Variants in MARCHF1 observed in about 807,000 individuals in gnomAD.
MARCHF1 encodes the protein membrane associated ring-CH-type finger 1.
Under a neutral mutation model 54.2 loss-of-function variants are expected in MARCHF1, and 40 were observed. That is an observed-to-expected ratio of 0.74 (90% CI 0.57 to 0.96). MARCHF1 has a LOEUF of 0.96. Among genes scored for constraint, MARCHF1 ranks in the 40% least tolerant of loss-of-function variants. MARCHF1 has a pLI of 0.00. For missense variants in MARCHF1, 586 were observed against 656.5 expected, an observed-to-expected ratio of 0.89 and a Z score of 1.17; for synonymous variants, 236 against 236.3, an observed-to-expected ratio of 1.00 and a Z score of 0.01.
chr4:164,308,126 T>C (rs1030375679), intron 1 of MARCHF1, among the ~76,000 whole-genome samples: 3 of 152,164 alleles, frequency 2.0e-5, no homozygotes, highest in Non-Finnish European at 2.9e-5. Flanking sequence ...CCCAGAGCCA[T>C]GAGATCAAGC....
intron 1 of MARCHF1, among the ~76,000 whole-genome samples, chr4:164,188,102 C>G (rs1731020633): frequency 6.6e-6 from 1 of 152,138 alleles, no homozygotes; most frequent in African/African-American, 2.4e-5. Flanking sequence ...ACTCGAAAGC[C>G]GAGGGCGACA....
At chr4:164,188,566 G>A (rs1396881614) in intron 1 of MARCHF1, 14 of 776,698 alleles carry the variant, frequency 1.8e-5, no homozygotes, top group Admixed American at 5.2e-5. Flanking sequence ...GCATCACGCG[G>A]TCCTATGTGC....
At chr4:163,980,224 C>A (rs1199183114) in intron 3 of MARCHF1, among the ~76,000 whole-genome samples, 3 of 139,218 alleles carry the variant, frequency 2.2e-5, no homozygotes, top group African/African-American at 5.4e-5. Flanking sequence ...ATACCTACAA[C>A]TGTCTGATCT....
chr4:163,656,271 T>A (rs1477039267), intron 5 of MARCHF1, among the ~76,000 whole-genome samples: 1 of 151,814 alleles, frequency 6.6e-6, no homozygotes, highest in Non-Finnish European at 1.5e-5. Context: ...GGGAATACTA[T>A]AAATACCTCT....
intron 4 of MARCHF1, among the ~76,000 whole-genome samples, chr4:163,834,643 C>T (rs1438512301): frequency 2.8e-5 from 4 of 142,418 alleles, no homozygotes; most frequent in Non-Finnish European, 4.5e-5. Flanking sequence ...TGATGTTCCC[C>T]TTAGGGACAT....
intron 3 of MARCHF1, among the ~76,000 whole-genome samples, chr4:163,913,980 C>G (rs1010269069): frequency 9.7e-6 from 1 of 102,918 alleles, no homozygotes; most frequent in Admixed American, 1.2e-4. Context: ...TGTGACAGCA[C>G]GGGGATCTCT....
chr4:163,713,556 A>G (rs115607046), intron 4 of MARCHF1, among the ~76,000 whole-genome samples: 1,911 of 152,298 alleles, frequency 0.013, 46 homozygotes, highest in African/African-American at 0.042. Context: ...AGCATAACCA[A>G]TCTTGTATTT....
At chr4:164,163,464 C>T (rs939647693) in intron 1 of MARCHF1, among the ~76,000 whole-genome samples, 3 of 151,740 alleles carry the variant, frequency 2.0e-5, no homozygotes, top group Non-Finnish European at 4.4e-5. Context: ...AATAATGGTA[C>T]CAGGGTGTAT....
intron 4 of MARCHF1, among the ~76,000 whole-genome samples, chr4:163,724,059 G>T (rs1745569821): frequency 6.6e-6 from 1 of 152,304 alleles, no homozygotes; most frequent in Admixed American, 6.5e-5. Context: ...TTGTTCCATT[G>T]CTGGCGAGGA....
At chr4:163,740,405 G>C (rs2111355242) in intron 4 of MARCHF1, among the ~76,000 whole-genome samples, 1 of 152,302 alleles carries the variant, frequency 6.6e-6, no homozygotes, top group South Asian at 2.1e-4. Flanking sequence ...GAGGACACAA[G>C]AATCATGGGT....
At chr4:163,763,887 A>G (rs917597699) in intron 4 of MARCHF1, among the ~76,000 whole-genome samples, 1 of 152,026 alleles carries the variant, frequency 6.6e-6, no homozygotes, top group African/African-American at 2.4e-5. Context: ...CTCTTTGTAA[A>G]TGTGTGTTTT....
At chr4:164,311,594 GA>G (rs1345875491) in intron 1 of MARCHF1, among the ~76,000 whole-genome samples, 5 of 151,856 alleles carry the variant, frequency 3.3e-5, no homozygotes, top group African/African-American at 9.7e-5. Flanking sequence ...ATGAAACTAA[GA>G]AAAAAAATAT....
At chr4:163,736,230 G>T (rs1746030020) in intron 4 of MARCHF1, among the ~76,000 whole-genome samples, 2 of 151,760 alleles carry the variant, frequency 1.3e-5, no homozygotes, top group African/African-American at 2.4e-5. Flanking sequence ...CTTATTTCTG[G>T]AGACATTATT....
chr4:163,946,446 T>C (rs539993781), intron 3 of MARCHF1, among the ~76,000 whole-genome samples: 3 of 152,266 alleles, frequency 2.0e-5, no homozygotes, highest in African/African-American at 7.2e-5. Context: ...TAAAAATAAA[T>C]TTTATACCTT....
intron 1 of MARCHF1, among the ~76,000 whole-genome samples, chr4:164,321,040 C>A (rs1735129592): frequency 6.6e-6 from 1 of 152,160 alleles, no homozygotes; most frequent in African/African-American, 2.4e-5. Flanking sequence ...GGATCTGATA[C>A]ATGTGACACA....
intron 2 of MARCHF1, among the ~76,000 whole-genome samples, chr4:164,016,751 AT>A (rs1753551933): frequency 6.6e-6 from 1 of 152,146 alleles, no homozygotes; most frequent in Non-Finnish European, 1.5e-5. Context: ...CAGTAGCACA[AT>A]AGGGAAACTA....
chr4:163,800,606 G>A (rs973625732), intron 4 of MARCHF1, among the ~76,000 whole-genome samples: 2 of 151,966 alleles, frequency 1.3e-5, no homozygotes, highest in Non-Finnish European at 2.9e-5. Context: ...AAATTGTATG[G>A]TATTTTCTAT....
chr4:163,917,192 A>C (rs1751328173), intron 3 of MARCHF1, among the ~76,000 whole-genome samples: 1 of 152,134 alleles, frequency 6.6e-6, no homozygotes, highest in South Asian at 2.1e-4. Flanking sequence ...ATTTCTTTTT[A>C]GCAATAACGA....
chr4:163,882,451 G>A (rs1396162289), intron 3 of MARCHF1, among the ~76,000 whole-genome samples: 2 of 152,162 alleles, frequency 1.3e-5, no homozygotes, highest in Non-Finnish European at 2.9e-5. Flanking sequence ...GAGTCAGGTA[G>A]GCAGCTATGA....
Sources: allele counts gnomAD v4.1 joint callset (sites outside exome capture counted in the v4.1 genomes callset), GRCh38; gene constraint gnomAD v4.1.1; transcripts MANE v1.5; gene names NCBI Gene and HGNC (gene_info 2026-07-23, HGNC 2026-07-21).